SRPK2: variants seen among roughly 807,000 people sequenced by gnomAD.
The protein encoded by SRPK2 is SRSF protein kinase 2, also known as SFRS protein kinase 2.
A neutral mutation model predicts 90.8 loss-of-function variants in SRPK2; 21 were observed. The ratio of observed to expected loss-of-function variants is 0.23; its 90% CI spans 0.16 to 0.33. SRPK2 has a LOEUF of 0.33. Among genes scored for constraint, SRPK2 ranks in the 10% least tolerant of loss-of-function variants. The pLI, the probability that SRPK2 is intolerant of heterozygous loss-of-function variation, is 1.00. For synonymous variants in SRPK2, 288 were observed against 311.1 expected, an observed-to-expected ratio of 0.93 and a Z score of 0.78; for missense variants, 620 against 869.0, an observed-to-expected ratio of 0.71 and a Z score of 3.60.
chr7:105,127,174 A>AT, intron 13 of SRPK2, 112 bp from the exon 14 acceptor site: 1 of 946,304 alleles, frequency 1.1e-6, no homozygotes, highest in Non-Finnish European at 1.6e-6. Flanking sequence ...ATCAAACAAA[A>AT]TAGCCTCCTG....
intron 15 of SRPK2, among the ~76,000 whole-genome samples, chr7:105,123,459 T>C (rs753151971): frequency 1.3e-5 from 2 of 152,178 alleles, no homozygotes; most frequent in Non-Finnish European, 1.5e-5. Context: ...CTTTCAAAAG[T>C]GATACGGCAT....
Position 105,129,332 on chromosome 7 carries a change from C to T in SRPK2, c.1753-2270G>A, listed in dbSNP as rs985217238. Among the ~76,000 whole-genome samples the T allele has an allele frequency of 2.6e-5, 4 of 152,144 alleles. No individual in the cohort carries two copies. In the East Asian group the frequency reaches 5.8e-4, roughly 22 times the overall value. On this transcript the variant is annotated intron_variant, in intron 13 of 15. Transcript: ENST00000393651. ...GAGTGGCAAGATTCTCTTAACAATACAACATGTACAACAGGGCAAATGCAC... is the reference window on the plus strand; with the variant it reads ...GAGTGGCAAGATTCTCTTAACAATATAACATGTACAACAGGGCAAATGCAC...
chr7:105,174,043 G>A (rs544311750), intron 3 of SRPK2, among the ~76,000 whole-genome samples: 6 of 145,168 alleles, frequency 4.1e-5, no homozygotes, highest in South Asian at 2.2e-4. Context: ...CCAAGAGTTC[G>A]ACACCAGCCT....
chr7:105,142,520 A>T, intron 10 of SRPK2, 30 bp from the exon 11 acceptor site: 1 of 1,575,750 alleles, frequency 6.3e-7, no homozygotes, highest in East Asian at 2.2e-5. Flanking sequence ...AAGAATTAGA[A>T]CTTGTTACTC....
chr7:105,361,818 A>T (rs982871310), intron 2 of SRPK2, among the ~76,000 whole-genome samples: 32 of 152,202 alleles, frequency 2.1e-4, no homozygotes, highest in African/African-American at 7.0e-4. Context: ...TTATACAAAA[A>T]TTAATTCAAG....
At chr7:105,375,855 A>C (rs370521687) in intron 2 of SRPK2, among the ~76,000 whole-genome samples, 2 of 152,054 alleles carry the variant, frequency 1.3e-5, no homozygotes, top group Non-Finnish European at 2.9e-5. Context: ...GGTATTTTAA[A>C]ACATGCAACT....
chr7:105,227,893 C>CAAAAAA (rs566478716), intron 2 of SRPK2, among the ~76,000 whole-genome samples: 6 of 84,686 alleles, frequency 7.1e-5, no homozygotes, highest in Admixed American at 1.3e-4. Context: ...TATCATTCAG[C>CAAAAAA]AAAAAAAAAA....
At chr7:105,373,861 G>A (rs1006142201) in intron 2 of SRPK2, among the ~76,000 whole-genome samples, 10 of 151,828 alleles carry the variant, frequency 6.6e-5, no homozygotes, top group African/African-American at 2.4e-4. Flanking sequence ...CTTCCTTTTC[G>A]GTTCTAGTCA....
intron 2 of SRPK2, among the ~76,000 whole-genome samples, chr7:105,312,213 G>C (rs183401753): frequency 6.6e-6 from 1 of 152,154 alleles, no homozygotes; most frequent in Non-Finnish European, 1.5e-5. Context: ...AGGCCAAGGT[G>C]GGGGGATCAC....
At chr7:105,288,100 AT>A (rs1483760252) in intron 2 of SRPK2, among the ~76,000 whole-genome samples, 2 of 152,198 alleles carry the variant, frequency 1.3e-5, no homozygotes, top group African/African-American at 4.8e-5. Flanking sequence ...AAGGAAAAAA[AT>A]AACAACTAAA....
At chr7:105,253,836 T>C (rs75845086) in intron 2 of SRPK2, among the ~76,000 whole-genome samples, 2,958 of 152,274 alleles carry the variant, frequency 0.019, 101 homozygotes, top group African/African-American at 0.066. Flanking sequence ...CAACCAATCA[T>C]GAGGCCATGG....
At chr7:105,286,988 G>A (rs187188317) in intron 2 of SRPK2, among the ~76,000 whole-genome samples, 60 of 152,218 alleles carry the variant, frequency 3.9e-4, no homozygotes, top group Non-Finnish European at 5.6e-4. Flanking sequence ...CAGGCCGGGC[G>A]CGGTGGCTCA....
At chr7:105,360,275 T>C (rs556716227) in intron 2 of SRPK2, among the ~76,000 whole-genome samples, 5 of 152,322 alleles carry the variant, frequency 3.3e-5, no homozygotes, top group African/African-American at 1.2e-4. Flanking sequence ...TATGTGTGTC[T>C]CTGAAGGTAA....
chr7:105,399,248 A>C (rs773408454), exon 1 of SRPK2: 12 of 152,226 alleles, frequency 7.9e-5, no homozygotes, highest in Admixed American at 3.3e-4. Context: ...ACGGAGGCTG[A>C]AAGACCTGTT....
rs78171640 is a variant in SRPK2 at position 105,176,157 on chromosome 7, A to G, written c.230-6892T>C. Among the ~76,000 whole-genome samples, 466 of 152,332 alleles carry G rather than the reference A, an allele frequency of 3.1e-3. 14 individuals carry two copies. In the East Asian group the frequency reaches 0.062, roughly 20 times the overall value. On this transcript the variant is annotated intron_variant, in intron 3 of 15. Coordinates refer to ENST00000393651, the MANE Select transcript of SRPK2 (RefSeq NM_182692.3). ...CAAATGGGGTTTATTCCAGGAACAC[A>G]AACTTGGGTCAGTATTCAAAATCCA...
At chr7:105,145,448 A>T in intron 8 of SRPK2, 140 bp from the exon 9 acceptor site, 1 of 535,500 alleles carries the variant, frequency 1.9e-6, no homozygotes, top group Non-Finnish European at 3.2e-6. Context: ...AGAGCTTCTT[A>T]ATCACAAGGA....
chr7:105,320,809 T>G (rs906786546), intron 2 of SRPK2, among the ~76,000 whole-genome samples: 8 of 151,314 alleles, frequency 5.3e-5, no homozygotes, highest in African/African-American at 7.4e-5. Flanking sequence ...TCCCACAAGC[T>G]TAGTGTTCCA....
chr7:105,257,547 GAAC>G (rs1193206755), intron 2 of SRPK2, among the ~76,000 whole-genome samples: 1 of 152,190 alleles, frequency 6.6e-6, no homozygotes, highest in Non-Finnish European at 1.5e-5. Context: ...GGGTGTATGA[GAAC>G]AACTCTCACT....
chr7:105,284,132 C>T (rs1031651850), intron 2 of SRPK2, among the ~76,000 whole-genome samples: 1 of 152,054 alleles, frequency 6.6e-6, no homozygotes, highest in Non-Finnish European at 1.5e-5. Context: ...GATAAGAAAC[C>T]GGGGCGGTCT....
Sources: gnomAD v4.1 joint callset for allele counts (sites outside exome capture counted in the v4.1 genomes callset) on GRCh38, gnomAD v4.1.1 for gene constraint, MANE v1.5 for transcripts, NCBI Gene and HGNC (gene_info 2026-07-23, HGNC 2026-07-21) for gene names.